HFM1: variants seen among roughly 807,000 people sequenced by gnomAD.
HFM1 encodes the protein helicase for meiosis 1.
In HFM1, 169 loss-of-function variants were observed where a neutral mutation model predicts 192.1. That is an observed-to-expected ratio of 0.88 (90% confidence interval 0.78 to 1.00). The LOEUF (loss-of-function observed/expected upper bound fraction) is 1.00. Among genes scored for constraint, HFM1 ranks in the 50% least tolerant of loss-of-function variants. The pLI is 0.00. For synonymous variants in HFM1, 525 were observed against 537.8 expected (o/e 0.98, Z 0.33); for missense variants, 1,661 against 1,668.0 (o/e 1.00, Z 0.07).
In HFM1 at chr1:91,394,413, G is replaced by T; in HGVS notation, c.185-11C>A. 7.3e-7 allele frequency: 1 copy of T among 1,372,212 alleles called. No individual in the cohort carries two copies. Among genetic ancestry groups the T allele is most frequent in the Non-Finnish European group, 1.0e-6 (1 of 988,848 alleles). The allele number at this position is 1,372,212 out of a possible 1,614,324, so 85.0% of individuals were successfully genotyped here. ...GCCTCTTTTCCTGACCTACAAAAAA[G>T]GAATATCTTAATTATTACATGTTCT... On this transcript the variant is annotated splice_polypyrimidine_tract_variant and intron_variant, in intron 3 of 38. Transcript: ENST00000370425.
intron 30 of HFM1, among the ~76,000 whole-genome samples, chr1:91,290,579 T>TA (rs1557790115): frequency 1.3e-5 from 2 of 152,118 alleles, no homozygotes; most frequent in African/African-American, 4.8e-5. Context: ...CAAAGAGACT[T>TA]AGACTCCCAC....
upstream of HFM1, among the ~76,000 whole-genome samples, chr1:91,405,184 A>G (rs1462140156): frequency 2.0e-5 from 3 of 152,158 alleles, no homozygotes; most frequent in African/African-American, 7.2e-5. Context: ...TACCTATATT[A>G]TTTATAAAAT....
At chr1:91,358,988 T>C (rs1332505772) in intron 13 of HFM1, among the ~76,000 whole-genome samples, 1 of 152,190 alleles carries the variant, frequency 6.6e-6, no homozygotes, top group Non-Finnish European at 1.5e-5. Context: ...AACTAGGGTT[T>C]GGAGCAGATC....
chr1:91,346,501 T>C (rs932834723), intron 19 of HFM1, among the ~76,000 whole-genome samples: 2 of 152,176 alleles, frequency 1.3e-5, no homozygotes, highest in African/African-American at 4.8e-5. Context: ...GCAAGACAAT[T>C]TTACTGCTTT....
chr1:91,325,735 C>T (rs1021784634), intron 20 of HFM1, among the ~76,000 whole-genome samples: 1 of 152,050 alleles, frequency 6.6e-6, no homozygotes, highest in African/African-American at 2.4e-5. Flanking sequence ...TCCAGGAAAA[C>T]ATGACCTCAC....
intron 13 of HFM1, among the ~76,000 whole-genome samples, chr1:91,362,097 G>C (rs543455640): frequency 2.6e-4 from 40 of 152,170 alleles, no homozygotes; most frequent in African/African-American, 9.2e-4. Flanking sequence ...ATATTGAATG[G>C]GCAAAAACTG....
At chr1:91,334,163 G>C (rs925218052) in intron 20 of HFM1, among the ~76,000 whole-genome samples, 1 of 152,156 alleles carries the variant, frequency 6.6e-6, no homozygotes, top group South Asian at 2.1e-4. Context: ...CATATGGCTT[G>C]ACAGTGATTA....
At chr1:91,369,994 A>T (rs1157914588) in intron 13 of HFM1, among the ~76,000 whole-genome samples, 1 of 152,208 alleles carries the variant, frequency 6.6e-6, no homozygotes, top group Admixed American at 6.5e-5. Context: ...AATCTAGAAG[A>T]AATGGATAAA....
At chr1:91,344,753 G>T (rs1308119016) in intron 19 of HFM1, among the ~76,000 whole-genome samples, 36 of 141,628 alleles carry the variant, frequency 2.5e-4, no homozygotes, top group South Asian at 6.6e-4. Context: ...TTCTTTTCTT[G>T]TTTTTTTTTT....
chr1:91,362,016 A>T (rs1403576978), intron 13 of HFM1, among the ~76,000 whole-genome samples: 1 of 152,174 alleles, frequency 6.6e-6, no homozygotes, highest in African/African-American at 2.4e-5. Flanking sequence ...AAAACTCTCA[A>T]CAAACTAGGT....
At chr1:91,376,664 T>G (rs1660946999) in intron 11 of HFM1, among the ~76,000 whole-genome samples, 1 of 151,882 alleles carries the variant, frequency 6.6e-6, no homozygotes, top group Non-Finnish European at 1.5e-5. Context: ...TTGATAAATA[T>G]ATTTAAAATT....
chr1:91,400,480 C>CTTTTTTTTT (rs112090967), intron 2 of HFM1, among the ~76,000 whole-genome samples: 7 of 139,062 alleles, frequency 5.0e-5, no homozygotes, highest in Non-Finnish European at 3.2e-5. Context: ...AGGCAAGAAT[C>CTTTTTTTTT]TTTTTTTTTT....
chr1:91,392,951 T>C (rs1181492574), intron 4 of HFM1, among the ~76,000 whole-genome samples: 1 of 152,082 alleles, frequency 6.6e-6, no homozygotes. Flanking sequence ...TGTTAATTAG[T>C]AAGGAATTTA....
chr1:91,348,682 G>A (rs1027130975), intron 18 of HFM1, among the ~76,000 whole-genome samples: 3 of 151,986 alleles, frequency 2.0e-5, no homozygotes, highest in Admixed American at 6.6e-5. Context: ...CACTTTGGGA[G>A]GGTGAAATCA....
chr1:91,354,265 C>T lies in HFM1; in HGVS notation c.1686-966G>A, dbSNP rs1234245830. ...GAATCTGTGAAATGAAGTTAGGTTT[C>T]TGAAATAGCCTAGTCAGAGGGAAAA... On this transcript the variant is annotated intron_variant, in intron 13 of 38. Transcript: ENST00000370425. Among the ~76,000 whole-genome samples the T allele has an allele frequency of 2.0e-5, 3 of 151,298 alleles. No individual in the cohort carries two copies. The East Asian group carries it at 5.9e-4, about 30-fold the overall frequency.
chr1:91,381,037 TTA>T, intron 6 of HFM1, 55 bp from the exon 7 acceptor site: 1 of 684,480 alleles, frequency 1.5e-6, no homozygotes, highest in Non-Finnish European at 2.3e-6. Context: ...TTAGTTACTT[TTA>T]TTTTAAAACT....
intron 34 of HFM1, among the ~76,000 whole-genome samples, chr1:91,268,863 CAAGT>C (rs1486137512): frequency 5.9e-5 from 9 of 151,974 alleles, no homozygotes; most frequent in Admixed American, 5.9e-4. Context: ...TTGACTCTAA[CAAGT>C]AAGATGAAAA....
At chr1:91,330,974 T>A (rs893876060) in intron 20 of HFM1, among the ~76,000 whole-genome samples, 7 of 152,058 alleles carry the variant, frequency 4.6e-5, no homozygotes, top group Admixed American at 1.3e-4. Flanking sequence ...AAAAGCTGGG[T>A]ATAGAAGGAA....
intron 16 of HFM1, among the ~76,000 whole-genome samples, chr1:91,352,228 T>TTA (rs1657028636): frequency 7.5e-6 from 1 of 132,472 alleles, no homozygotes; most frequent in African/African-American, 2.8e-5. Context: ...ATTCAGAATT[T>TTA]AAAAAAAAAA....
Sources: gnomAD v4.1 joint callset for allele counts (sites outside exome capture counted in the v4.1 genomes callset) on GRCh38, gnomAD v4.1.1 for gene constraint, MANE v1.5 for transcripts, NCBI Gene and HGNC (gene_info 2026-07-23, HGNC 2026-07-21) for gene names.